ST8SIA1: variants seen among roughly 807,000 people sequenced by gnomAD.
ST8SIA1 encodes alpha-N-acetylneuraminide alpha-2,8-sialyltransferase.
In ST8SIA1, 16 loss-of-function variants were observed where a neutral mutation model predicts 35.9. The observed-to-expected ratio is 0.45, with a 90% CI of 0.30 to 0.68. The LOEUF (loss-of-function observed/expected upper bound fraction) is 0.68, where lower values mean the gene tolerates loss of function less well. Among genes scored for constraint, ST8SIA1 ranks in the 30% least tolerant of loss-of-function variants. ST8SIA1 has a pLI of 0.09. For synonymous variants in ST8SIA1, 170 were observed against 169.6 expected (o/e 1.00, Z -0.02); for missense variants, 383 against 453.6 (o/e 0.84, Z 1.41).
At chr12:22,274,142 G>A (rs1404830095) in intron 2 of ST8SIA1, among the ~76,000 whole-genome samples, 2 of 152,210 alleles carry the variant, frequency 1.3e-5, no homozygotes, top group East Asian at 3.8e-4. Context: ...AGCAAGGTAT[G>A]AGGATGAGAA....
intron 1 of ST8SIA1, among the ~76,000 whole-genome samples, chr12:22,291,510 A>C (rs1295503627): frequency 1.3e-5 from 2 of 152,198 alleles, no homozygotes; most frequent in African/African-American, 4.8e-5. Flanking sequence ...CAAACATCCA[A>C]ATCAATGCCA....
At chr12:22,213,907 G>A (rs776704839) in intron 4 of ST8SIA1, among the ~76,000 whole-genome samples, 4 of 152,204 alleles carry the variant, frequency 2.6e-5, no homozygotes, top group Non-Finnish European at 5.9e-5. Flanking sequence ...CTTATTTAAT[G>A]TCTACACTGT....
chr12:22,311,107 G>C (rs954376659), intron 1 of ST8SIA1, among the ~76,000 whole-genome samples: 1 of 152,154 alleles, frequency 6.6e-6, no homozygotes, highest in Non-Finnish European at 1.5e-5. Context: ...GGGCATCCAG[G>C]TAATCACTCA....
chr12:22,328,116 G>A (rs983502917), intron 1 of ST8SIA1, among the ~76,000 whole-genome samples: 5 of 152,224 alleles, frequency 3.3e-5, no homozygotes, highest in African/African-American at 1.2e-4. Context: ...CAGCAAAGCA[G>A]TATGCAGCCT....
intron 4 of ST8SIA1, among the ~76,000 whole-genome samples, chr12:22,227,437 G>T (rs538674505): frequency 1.5e-3 from 234 of 152,134 alleles, no homozygotes; most frequent in African/African-American, 5.3e-3. Context: ...AGCCAGGCAT[G>T]GTGGTGGGCG....
At position 22,231,351 on chromosome 12, in the gene ST8SIA1, T is replaced by C. The variant is rs1011156377; in HGVS notation, c.584+17655A>G. On this transcript the variant is annotated intron_variant, in intron 4 of 4. Transcript: ENST00000396037. Reference sequence around the variant, plus strand: ...CACTCCAAAACAGGTAAGAGACTAATAATTTTATCAAATTAATTAGAATAA... The same window carrying C: ...CACTCCAAAACAGGTAAGAGACTAACAATTTTATCAAATTAATTAGAATAA... 2.6e-5 allele frequency among the ~76,000 whole-genome samples: 4 copies of C among 151,496 alleles called. No homozygotes were observed. The East Asian group carries it at 7.7e-4, about 29-fold the overall frequency.
intron 2 of ST8SIA1, among the ~76,000 whole-genome samples, chr12:22,258,191 T>C (rs2135798174): frequency 6.6e-6 from 1 of 152,126 alleles, no homozygotes; most frequent in South Asian, 2.1e-4. Flanking sequence ...TGAACAACTG[T>C]AGAGATAGAC....
In ST8SIA1 at chr12:22,252,902, T is replaced by C. The variant is rs141121011; in HGVS notation, c.491+2378A>G. 1.2e-4 allele frequency among the ~76,000 whole-genome samples: 19 copies of C among 152,242 alleles called. 1 individual carries two copies. Among genetic ancestry groups the C allele is most frequent in the Non-Finnish European group, 2.1e-4 (14 of 68,030 alleles). Reference sequence around the variant, plus strand: ...TTGTACTGCACGAAGTGTATTTACATTTCTACGTGTATCAAGGCCACTTGA... The same window carrying C: ...TTGTACTGCACGAAGTGTATTTACACTTCTACGTGTATCAAGGCCACTTGA... On this transcript the variant is annotated intron_variant, in intron 3 of 4. Coordinates refer to ENST00000396037, the MANE Select transcript of ST8SIA1 (RefSeq NM_003034.4).
chr12:22,237,068 A>G (rs903364488), intron 4 of ST8SIA1, among the ~76,000 whole-genome samples: 2 of 152,028 alleles, frequency 1.3e-5, no homozygotes, highest in Non-Finnish European at 2.9e-5. Flanking sequence ...TATTGTCAAA[A>G]TAAGTTAACA....
At chr12:22,266,172 C>A (rs1459108590) in intron 2 of ST8SIA1, among the ~76,000 whole-genome samples, 1 of 151,852 alleles carries the variant, frequency 6.6e-6, no homozygotes, top group Admixed American at 6.6e-5. Context: ...TACCTGCCTT[C>A]CAAATTATTT....
At chr12:22,285,871 C>CAAAAA (rs1264234503) in intron 2 of ST8SIA1, among the ~76,000 whole-genome samples, 24 of 94,940 alleles carry the variant, frequency 2.5e-4, no homozygotes, top group Non-Finnish European at 3.3e-4. Context: ...AAGACTCTGT[C>CAAAAA]AAAAACAAAA....
chr12:22,235,312 A>G (rs1040830042), intron 4 of ST8SIA1, among the ~76,000 whole-genome samples: 14 of 152,228 alleles, frequency 9.2e-5, no homozygotes, highest in African/African-American at 3.4e-4. Context: ...AATGCAATAC[A>G]ATTAGTAATC....
chr12:22,270,884 A>T (rs1408325612), intron 2 of ST8SIA1, among the ~76,000 whole-genome samples: 1 of 152,258 alleles, frequency 6.6e-6, no homozygotes, highest in Non-Finnish European at 1.5e-5. Flanking sequence ...AACAGTTGAC[A>T]TTAATTGCTT....
chr12:22,249,972 T>C (rs755533835), intron 3 of ST8SIA1, among the ~76,000 whole-genome samples: 1 of 152,176 alleles, frequency 6.6e-6, no homozygotes, highest in African/African-American at 2.4e-5. Context: ...GTGTGGCCAA[T>C]GGGTAGGCTG....
intron 1 of ST8SIA1, among the ~76,000 whole-genome samples, chr12:22,317,930 T>A (rs978573721): frequency 7.9e-5 from 12 of 152,146 alleles, no homozygotes; most frequent in African/African-American, 2.7e-4. Flanking sequence ...AGTAAGGAGA[T>A]TATATATCTC....
At chr12:22,279,298 A>G (rs1866006853) in intron 2 of ST8SIA1, among the ~76,000 whole-genome samples, 1 of 152,080 alleles carries the variant, frequency 6.6e-6, no homozygotes. Flanking sequence ...TTGGTTTATG[A>G]CTTAATTTCA....
chr12:22,280,852 T>C (rs1261044221), intron 2 of ST8SIA1, among the ~76,000 whole-genome samples: 3 of 152,244 alleles, frequency 2.0e-5, no homozygotes, highest in African/African-American at 7.2e-5. Flanking sequence ...GAACAGTGGA[T>C]ATCAATTCAT....
At chr12:22,217,024 T>A (rs1053993011) in intron 4 of ST8SIA1, among the ~76,000 whole-genome samples, 3 of 152,180 alleles carry the variant, frequency 2.0e-5, no homozygotes, top group African/African-American at 7.2e-5. Flanking sequence ...TAAATACAAA[T>A]CTCTCATTAG....
At chr12:22,286,359 T>G (rs547644768) in intron 2 of ST8SIA1, 5 of 493,992 alleles carry the variant, frequency 1.0e-5, no homozygotes, top group South Asian at 7.5e-5. Flanking sequence ...CAGAGACACA[T>G]GAAAGATTCA....
Sources: allele counts gnomAD v4.1 joint callset (sites outside exome capture counted in the v4.1 genomes callset), GRCh38; gene constraint gnomAD v4.1.1; transcripts MANE v1.5; gene names NCBI Gene and HGNC (gene_info 2026-07-23, HGNC 2026-07-21).